The following ELMO1 variants were observed in gnomAD, a reference collection of about 807,000 sequenced individuals.
ELMO1 encodes the protein engulfment and cell motility 1.
In ELMO1, 26 loss-of-function variants were observed where a neutral mutation model predicts 98.9. The ratio of observed to expected loss-of-function variants is 0.26; its 90% CI spans 0.19 to 0.36. ELMO1 has a LOEUF of 0.36. Among genes scored for constraint, ELMO1 ranks in the 10% least tolerant of loss-of-function variants. The pLI is 1.00. For synonymous variants in ELMO1, 346 were observed against 346.0 expected (o/e 1.00, Z 0.00); for missense variants, 627 against 935.2 (o/e 0.67, Z 4.30).
intron 16 of ELMO1, among the ~76,000 whole-genome samples, chr7:36,953,260 CCT>C (rs1018747347): frequency 2.5e-4 from 38 of 152,238 alleles, no homozygotes; most frequent in African/African-American, 8.4e-4. Flanking sequence ...AGCCACCGTG[CCT>C]CTCTTGACAT....
chr7:37,267,067 A>G (rs1193935333), intron 5 of ELMO1, among the ~76,000 whole-genome samples: 1 of 148,916 alleles, frequency 6.7e-6, no homozygotes, highest in Non-Finnish European at 1.5e-5. Context: ...ACACACACAC[A>G]CACACACACA....
At chr7:36,960,159 A>C (rs1248311737) in intron 16 of ELMO1, among the ~76,000 whole-genome samples, 1 of 152,164 alleles carries the variant, frequency 6.6e-6, no homozygotes, top group African/African-American at 2.4e-5. Context: ...AATCTCATTG[A>C]GTTATTGGGT....
intron 1 of ELMO1, among the ~76,000 whole-genome samples, chr7:37,349,993 G>A (rs900229761): frequency 2.0e-5 from 3 of 152,204 alleles, no homozygotes; most frequent in Non-Finnish European, 2.9e-5. Context: ...GCTGAAGCCA[G>A]TCTTTGTTTC....
chr7:37,096,550 G>T, intron 15 of ELMO1, 69 bp downstream of exon 15: 1 of 1,347,968 alleles, frequency 7.4e-7, no homozygotes, highest in Non-Finnish European at 1.1e-6. Flanking sequence ...CTTCACACAG[G>T]TAGGGGCACA....
intron 13 of ELMO1, among the ~76,000 whole-genome samples, chr7:37,144,306 T>G (rs773673500): frequency 6.6e-6 from 1 of 152,142 alleles, no homozygotes; most frequent in Non-Finnish European, 1.5e-5. Context: ...TTTTTGGTTT[T>G]AATAGCCAGT....
Position 37,285,491 on chromosome 7 carries a change from G to A in ELMO1, c.193-13609C>T, listed in dbSNP as rs76066081. On this transcript the variant is annotated intron_variant, in intron 4 of 21. Transcript: ENST00000310758. Reference sequence around the variant, plus strand: ...GCCAAAGATACACCATGTAGCCATCGAAGTGCTGCTATGAAAGAATGTTCA... The same window carrying A: ...GCCAAAGATACACCATGTAGCCATCAAAGTGCTGCTATGAAAGAATGTTCA... Among the ~76,000 whole-genome samples, 80 of 152,294 alleles carry A rather than the reference G, an allele frequency of 5.3e-4. No homozygotes were observed. In the East Asian group the frequency reaches 0.012, roughly 23 times the overall value.
rs117570997 is a variant in ELMO1 at position 37,031,521 on chromosome 7, G to T, written c.1301-18086C>A. Among the ~76,000 whole-genome samples, 132 of 152,264 alleles carry T rather than the reference G, an allele frequency of 8.7e-4. No homozygotes were observed. In the East Asian group the frequency reaches 0.021, roughly 24 times the overall value. On this transcript the variant is annotated intron_variant, in intron 15 of 21. Transcript: ENST00000310758. ...AGTGGTAACTCCTGCAGGTCTTTCA[G>T]AATCCAGAGCAGTTGTTCCCACTTC...
At position 37,194,605 on chromosome 7, in the gene ELMO1, A is replaced by C. The variant is rs143916635; in HGVS notation, c.1086+16781T>G. ...TCATCCAAACACCGCAGCACATAAT[A>C]TTTTATGGCCCAGCCTCAAAGGAGC... On this transcript the variant is annotated intron_variant, in intron 13 of 21. Transcript: ENST00000310758. Among the ~76,000 whole-genome samples, 967 of 152,296 alleles carry C rather than the reference A, an allele frequency of 6.3e-3. 31 individuals carry two copies. The highest frequency in any genetic ancestry group is 4.0e-3 in the Non-Finnish European group (272 of 68,026).
intron 14 of ELMO1, among the ~76,000 whole-genome samples, chr7:37,111,065 T>TG (rs1464358142): frequency 6.6e-6 from 1 of 152,238 alleles, no homozygotes; most frequent in Admixed American, 6.5e-5. Context: ...CAGGACCATG[T>TG]GGGCCTCTCT....
At chr7:37,159,802 A>G (rs1212058594) in intron 13 of ELMO1, among the ~76,000 whole-genome samples, 2 of 152,204 alleles carry the variant, frequency 1.3e-5, no homozygotes, top group Non-Finnish European at 2.9e-5. Context: ...TACAACAACT[A>G]CACCTGTAAT....
intron 15 of ELMO1, among the ~76,000 whole-genome samples, chr7:37,026,912 CAT>C (rs1379710187): frequency 3.3e-5 from 5 of 152,212 alleles, no homozygotes; most frequent in Non-Finnish European, 5.9e-5. Context: ...TCCAGAAACA[CAT>C]GACTGCACTC....
At chr7:37,296,531 G>A (rs185115094) in intron 4 of ELMO1, among the ~76,000 whole-genome samples, 9 of 152,142 alleles carry the variant, frequency 5.9e-5, no homozygotes, top group African/African-American at 7.2e-5. Context: ...GTTGCCATAC[G>A]CTGTGACACA....
intron 18 of ELMO1, 27 bp from the exon 19 acceptor site, chr7:36,878,144 G>A: frequency 1.3e-6 from 2 of 1,561,616 alleles, no homozygotes; most frequent in Non-Finnish European, 1.8e-6. Flanking sequence ...AAGTTTACAA[G>A]GTAAGTGATT....
At chr7:36,981,728 G>A (rs1446664380) in intron 16 of ELMO1, among the ~76,000 whole-genome samples, 2 of 152,188 alleles carry the variant, frequency 1.3e-5, no homozygotes, top group African/African-American at 4.8e-5. Context: ...CTTTCTGCAA[G>A]AGGAAACAGC....
chr7:37,155,989 G>A (rs901949146), intron 13 of ELMO1, among the ~76,000 whole-genome samples: 1 of 152,158 alleles, frequency 6.6e-6, no homozygotes, highest in African/African-American at 2.4e-5. Context: ...ACACCACAGT[G>A]CCATCAAATT....
At chr7:37,165,984 G>T (rs954597709) in intron 13 of ELMO1, among the ~76,000 whole-genome samples, 1 of 152,114 alleles carries the variant, frequency 6.6e-6, no homozygotes, top group Non-Finnish European at 1.5e-5. Context: ...TTTTTGGTTG[G>T]CCAAGCTATT....
intron 13 of ELMO1, among the ~76,000 whole-genome samples, chr7:37,208,097 GA>G (rs1380724946): frequency 2.0e-5 from 3 of 152,196 alleles, no homozygotes; most frequent in Non-Finnish European, 4.4e-5. Context: ...TTTTACCTTG[GA>G]AAACTTAAAA....
intron 16 of ELMO1, among the ~76,000 whole-genome samples, chr7:36,926,594 C>T (rs1412394691): frequency 2.6e-5 from 4 of 152,136 alleles, no homozygotes; most frequent in Non-Finnish European, 4.4e-5. Context: ...GTTTCCCCTC[C>T]CCTCCTTTTC....
intron 18 of ELMO1, among the ~76,000 whole-genome samples, chr7:36,881,755 T>C (rs564412472): frequency 1.3e-5 from 2 of 152,218 alleles, no homozygotes; most frequent in African/African-American, 2.4e-5. Context: ...CAATGTCACA[T>C]AGATTGTTAT....
Sources: gnomAD v4.1 joint callset for allele counts (sites outside exome capture counted in the v4.1 genomes callset) on GRCh38, gnomAD v4.1.1 for gene constraint, MANE v1.5 for transcripts, NCBI Gene and HGNC (gene_info 2026-07-23, HGNC 2026-07-21) for gene names.